Variants in RBFOX1 observed in about 807,000 individuals in gnomAD.
RBFOX1 encodes the protein RNA binding protein fox-1 homolog 1.
RBFOX1 carries 8 observed loss-of-function variants against 57.7 expected under a neutral mutation model. The observed-to-expected ratio is 0.14, with a 90% confidence interval of 0.08 to 0.25. RBFOX1 has a LOEUF of 0.25. Ranked by LOEUF, RBFOX1 falls within the 10% of genes least tolerant of loss-of-function variation. The pLI is 1.00. For missense variants in RBFOX1, 611 were observed against 548.5 expected (o/e 1.11, Z -1.14); for synonymous variants, 326 against 222.4 (o/e 1.47, Z -4.15).
chr16:7,387,366 A>G (rs937675033), intron 4 of RBFOX1, among the ~76,000 whole-genome samples: 1 of 152,290 alleles, frequency 6.6e-6, no homozygotes, highest in East Asian at 1.9e-4. Flanking sequence ...GCTGATAAAG[A>G]GAGGATGTGG....
intron 2 of RBFOX1, among the ~76,000 whole-genome samples, chr16:5,556,308 G>T (rs950822020): frequency 6.6e-6 from 1 of 152,150 alleles, no homozygotes; most frequent in Non-Finnish European, 1.5e-5. Flanking sequence ...GTAAACGGTG[G>T]TATTCGTGAT....
chr16:6,305,535 G>T lies in RBFOX1; in HGVS notation c.-126-11460G>T, dbSNP rs143937670. Among the ~76,000 whole-genome samples the T allele has an allele frequency of 1.7e-3, 260 of 151,478 alleles. 1 individual carries two copies. Among genetic ancestry groups the T allele is most frequent in the African/African-American group, 6.0e-3 (247 of 41,272 alleles). On this transcript the variant is annotated intron_variant, in intron 1 of 15. Transcript: ENST00000550418. ...GATATTTACTGAGTTCATTTAAATCGCAATAATTTCCATCACTTTTACCTG... is the reference window on the plus strand; with the variant it reads ...GATATTTACTGAGTTCATTTAAATCTCAATAATTTCCATCACTTTTACCTG...
At chr16:6,968,146 C>A (rs1010878122) in intron 3 of RBFOX1, among the ~76,000 whole-genome samples, 2 of 152,138 alleles carry the variant, frequency 1.3e-5, no homozygotes, top group African/African-American at 4.8e-5. Context: ...CCGCTAGACT[C>A]GGCCTCAGGG....
intron 4 of RBFOX1, among the ~76,000 whole-genome samples, chr16:5,966,991 CGG>C (rs373142050): frequency 0.055 from 1,680 of 30,666 alleles, 79 homozygotes; most frequent in African/African-American, 0.15. Flanking sequence ...TGCACTAAAT[CGG>C]GGGGGGGGGG....
intron 2 of RBFOX1, among the ~76,000 whole-genome samples, chr16:6,613,418 C>A (rs901510548): frequency 1.3e-5 from 2 of 152,028 alleles, no homozygotes; most frequent in Non-Finnish European, 2.9e-5. Context: ...TTTCTGTATA[C>A]GGTGTGGTGT....
At chr16:6,288,532 C>T (rs933575917) in intron 1 of RBFOX1, among the ~76,000 whole-genome samples, 5 of 152,132 alleles carry the variant, frequency 3.3e-5, no homozygotes, top group East Asian at 1.9e-4. Flanking sequence ...CATACATGTC[C>T]TATGCTAGAT....
intron 11 of RBFOX1, among the ~76,000 whole-genome samples, chr16:7,642,427 C>T (rs1030156558): frequency 6.6e-6 from 1 of 152,124 alleles, no homozygotes; most frequent in Admixed American, 6.6e-5. Flanking sequence ...AATGCATGTG[C>T]GTCGCGTACC....
At chr16:6,549,673 C>G (rs945902905) in intron 2 of RBFOX1, among the ~76,000 whole-genome samples, 1 of 151,930 alleles carries the variant, frequency 6.6e-6, no homozygotes, top group African/African-American at 2.4e-5. Context: ...GAGCAAATCC[C>G]TAGACGATAG....
intron 3 of RBFOX1, among the ~76,000 whole-genome samples, chr16:6,795,029 G>A (rs993813619): frequency 1.3e-5 from 2 of 151,918 alleles, no homozygotes; most frequent in South Asian, 4.2e-4. Flanking sequence ...TTCTCTTTTC[G>A]TCATACTGCA....
intron 4 of RBFOX1, among the ~76,000 whole-genome samples, chr16:7,448,794 A>G (rs959602419): frequency 3.3e-5 from 5 of 152,030 alleles, no homozygotes; most frequent in African/African-American, 1.2e-4. Flanking sequence ...GTCTTCACCT[A>G]ATCTTCTTGT....
chr16:7,671,703 A>G (rs931002641), intron 13 of RBFOX1: 1 of 1,065,784 alleles, frequency 9.4e-7, no homozygotes, highest in Non-Finnish European at 1.4e-6. Context: ...GTTCTCTAAC[A>G]TAGGAGGAAA....
At chr16:7,299,916 C>T (rs1312941955) in intron 4 of RBFOX1, among the ~76,000 whole-genome samples, 2 of 152,166 alleles carry the variant, frequency 1.3e-5, no homozygotes, top group African/African-American at 4.8e-5. Context: ...AGGATATTTT[C>T]ACCTTACCAT....
At chr16:5,929,565 T>C (rs953505105) in intron 4 of RBFOX1, among the ~76,000 whole-genome samples, 1 of 152,226 alleles carries the variant, frequency 6.6e-6, no homozygotes. Flanking sequence ...AAAGGTTCCA[T>C]GTTCCATATG....
chr16:6,843,099 G>T (rs1001777977), intron 3 of RBFOX1, among the ~76,000 whole-genome samples: 1 of 152,030 alleles, frequency 6.6e-6, no homozygotes, highest in Non-Finnish European at 1.5e-5. Context: ...ATTTACTATT[G>T]TAAATAGGTT....
chr16:5,904,603 C>A (rs551491691), intron 4 of RBFOX1, among the ~76,000 whole-genome samples: 1 of 152,036 alleles, frequency 6.6e-6, no homozygotes, highest in South Asian at 2.1e-4. Flanking sequence ...GAAATGTTCC[C>A]CCTTGAAAAG....
intron 2 of RBFOX1, among the ~76,000 whole-genome samples, chr16:6,563,747 G>A (rs1309190818): frequency 2.0e-5 from 3 of 152,040 alleles, no homozygotes; most frequent in African/African-American, 4.8e-5. Flanking sequence ...CATCAGTAGG[G>A]CTTGGGAGGT....
intron 1 of RBFOX1, among the ~76,000 whole-genome samples, chr16:5,390,736 T>A (rs1156286873): frequency 6.6e-6 from 1 of 152,114 alleles, no homozygotes; most frequent in Non-Finnish European, 1.5e-5. Flanking sequence ...CCCAATCAGT[T>A]CACATTATTC....
intron 2 of RBFOX1, among the ~76,000 whole-genome samples, chr16:6,497,958 A>G (rs2095817483): frequency 6.6e-6 from 1 of 152,274 alleles, no homozygotes; most frequent in Non-Finnish European, 1.5e-5. Context: ...TCAAAAGATG[A>G]CAATTCCAGG....
In RBFOX1 at chr16:6,693,366, C is replaced by G. The variant is rs1568241612; in HGVS notation, c.-16+38716C>G. Among the ~76,000 whole-genome samples, 3 of 151,738 alleles carry G rather than the reference C, an allele frequency of 2.0e-5. No homozygotes were observed. The South Asian group carries it at 6.3e-4, about 32-fold the overall frequency. On this transcript the variant is annotated intron_variant, in intron 3 of 15. Coordinates refer to ENST00000550418, the MANE Select transcript of RBFOX1 (RefSeq NM_018723.4). Reference sequence around the variant, plus strand: ...CCACTAGCATCACCGCCATCATCATCAACATCATCCTACTCCACTAGAATC... The same window carrying G: ...CCACTAGCATCACCGCCATCATCATGAACATCATCCTACTCCACTAGAATC...
Sources: allele counts gnomAD v4.1 joint callset (sites outside exome capture counted in the v4.1 genomes callset), GRCh38; gene constraint gnomAD v4.1.1; transcripts MANE v1.5; gene names NCBI Gene and HGNC (gene_info 2026-07-23, HGNC 2026-07-21).